Variants in JAM3 observed in about 807,000 individuals in gnomAD.
JAM3 encodes junctional adhesion molecule 3.
Under a neutral mutation model 39.4 loss-of-function variants are expected in JAM3, and 31 were observed. That is an observed-to-expected ratio of 0.79 (90% CI 0.59 to 1.06). The LOEUF is 1.06. Among genes scored for constraint, JAM3 ranks in the 50% least tolerant of loss-of-function variants. The probability of loss-of-function intolerance (pLI) is 0.00; values close to 1 mark genes in which losing one functional copy is unlikely to be tolerated. For synonymous variants in JAM3, 182 were observed against 148.7 expected, an observed-to-expected ratio of 1.22 and a Z score of -1.63; for missense variants, 455 against 391.4, an observed-to-expected ratio of 1.16 and a Z score of -1.37.
chr11:134,089,845 A>G (rs1389092311), intron 1 of JAM3, among the ~76,000 whole-genome samples: 10 of 152,140 alleles, frequency 6.6e-5, no homozygotes, highest in Admixed American at 1.3e-4. Context: ...GGCTGGGTCA[A>G]ATGGTATTTC....
At chr11:134,124,105 T>A in intron 1 of JAM3, 3 of 1,485,038 alleles carry the variant, frequency 2.0e-6, no homozygotes, top group South Asian at 1.1e-5. Flanking sequence ...ACTATCTGAT[T>A]AGGGGGTGGA....
At chr11:134,073,977 A>G (rs535839921) in intron 1 of JAM3, among the ~76,000 whole-genome samples, 2 of 152,320 alleles carry the variant, frequency 1.3e-5, no homozygotes, top group South Asian at 4.1e-4. Context: ...AGAGAATGGT[A>G]ATAATTTATT....
chr11:134,116,472 A>G (rs887042599), intron 1 of JAM3, among the ~76,000 whole-genome samples: 1 of 152,168 alleles, frequency 6.6e-6, no homozygotes, highest in East Asian at 1.9e-4. Flanking sequence ...TTATAATCCA[A>G]TAGTATCATA....
chr11:134,083,152 G>A (rs540176044), intron 1 of JAM3, among the ~76,000 whole-genome samples: 1 of 152,272 alleles, frequency 6.6e-6, no homozygotes, highest in East Asian at 1.9e-4. Context: ...TTACTTCTGT[G>A]ATTTTCACAG....
At chr11:134,098,844 CT>C (rs1942028105) in intron 1 of JAM3, among the ~76,000 whole-genome samples, 1 of 152,138 alleles carries the variant, frequency 6.6e-6, no homozygotes, top group Non-Finnish European at 1.5e-5. Context: ...AACATTCACA[CT>C]GATACTCCAG....
intron 1 of JAM3, among the ~76,000 whole-genome samples, chr11:134,105,920 C>T (rs1159488230): frequency 4.6e-5 from 7 of 152,176 alleles, no homozygotes; most frequent in African/African-American, 7.2e-5. Context: ...ATGGCCATAC[C>T]GCCGAAGGTA....
chr11:134,088,595 G>C (rs1024349485), intron 1 of JAM3, among the ~76,000 whole-genome samples: 2 of 152,056 alleles, frequency 1.3e-5, no homozygotes, highest in African/African-American at 2.4e-5. Flanking sequence ...ATTTAAATTT[G>C]TGTTCTGGAA....
chr11:134,122,829 C>T (rs1942562442), intron 1 of JAM3, among the ~76,000 whole-genome samples: 2 of 152,328 alleles, frequency 1.3e-5, no homozygotes, highest in African/African-American at 2.4e-5. Context: ...TACCAGCATT[C>T]TCTGATACTA....
At chr11:134,093,996 G>T (rs1057294093) in intron 1 of JAM3, among the ~76,000 whole-genome samples, 2 of 120,980 alleles carry the variant, frequency 1.7e-5, no homozygotes, top group African/African-American at 6.1e-5. Flanking sequence ...AGCTTCTCCT[G>T]AACCCTCCTT....
intron 1 of JAM3, among the ~76,000 whole-genome samples, chr11:134,106,656 C>A (rs1942195213): frequency 6.6e-6 from 1 of 152,094 alleles, no homozygotes; most frequent in African/African-American, 2.4e-5. Context: ...AAAACCTCAT[C>A]AACAAATGGG....
chr11:134,129,969 T>C (rs1591799829), intron 1 of JAM3, among the ~76,000 whole-genome samples: 1 of 151,960 alleles, frequency 6.6e-6, no homozygotes, highest in African/African-American at 2.4e-5. Flanking sequence ...GCCACTGCAC[T>C]CCAGCCTTGG....
chr11:134,104,856 ATAAT>A (rs1385720033), intron 1 of JAM3, among the ~76,000 whole-genome samples: 1 of 152,280 alleles, frequency 6.6e-6, no homozygotes, highest in East Asian at 1.9e-4. Flanking sequence ...AATTGAGGCA[ATAAT>A]TAATAGCCTA....
chr11:134,132,583 G>C (rs1289509939), intron 1 of JAM3, among the ~76,000 whole-genome samples: 1 of 152,214 alleles, frequency 6.6e-6, no homozygotes, highest in Non-Finnish European at 1.5e-5. Context: ...ATTCAGGTCA[G>C]TTATGTCCTG....
At chr11:134,112,120 T>C (rs1387894373) in intron 1 of JAM3, among the ~76,000 whole-genome samples, 1 of 152,216 alleles carries the variant, frequency 6.6e-6, no homozygotes, top group Non-Finnish European at 1.5e-5. Context: ...AGAGCCTCGC[T>C]CTGTTGCCCA....
chr11:134,132,282 G>T (rs529477546), intron 1 of JAM3, among the ~76,000 whole-genome samples: 11 of 152,176 alleles, frequency 7.2e-5, no homozygotes, highest in Non-Finnish European at 1.6e-4. Context: ...TATATTTAAA[G>T]TGCTGCAAGA....
At position 134,149,804 on chromosome 11, in the gene JAM3, C is replaced by A; in HGVS notation, c.*623C>A. On this transcript the variant is annotated 3_prime_UTR_variant, in exon 9 of 9. Transcript: ENST00000299106. ...TTGGTTGCTGGAAGAGGGATCTTGC[C>A]TGAGGAACCCTGCTTGTCCAACAGG... 2.6e-6 allele frequency: 1 copy of A among 389,928 alleles called. No homozygotes were observed. The highest frequency in any genetic ancestry group is 2.9e-5 in the Admixed American group (1 of 34,638). 24.2% of individuals were successfully genotyped at this position (389,928 alleles called of 1,614,324 possible).
chr11:134,117,082 C>T (rs1942449491), intron 1 of JAM3, among the ~76,000 whole-genome samples: 1 of 152,032 alleles, frequency 6.6e-6, no homozygotes, highest in South Asian at 2.1e-4. Flanking sequence ...CAATCCACGG[C>T]CAGGCACAGT....
chr11:134,140,003 TGTAA>T, intron 2 of JAM3, 87 bp downstream of exon 2: 1 of 1,051,852 alleles, frequency 9.5e-7, no homozygotes, highest in Admixed American at 1.7e-5. Flanking sequence ...CATCTGTCTC[TGTAA>T]GTGTGCCAGG....
intron 1 of JAM3, among the ~76,000 whole-genome samples, chr11:134,136,305 G>T (rs1203910364): frequency 6.6e-6 from 1 of 152,194 alleles, no homozygotes; most frequent in Non-Finnish European, 1.5e-5. Context: ...AGCCACCGCT[G>T]CAAGTGGGCT....
Sources: gnomAD v4.1 joint callset for allele counts (sites outside exome capture counted in the v4.1 genomes callset) on GRCh38, gnomAD v4.1.1 for gene constraint, MANE v1.5 for transcripts, NCBI Gene and HGNC (gene_info 2026-07-23, HGNC 2026-07-21) for gene names.